The following SLC4A1 variants were observed in gnomAD, a reference collection of about 807,000 sequenced individuals.
SLC4A1 encodes the protein solute carrier family 4 member 1 (Diego blood group).
SLC4A1 carries 29 observed loss-of-function variants against 93.1 expected under a neutral mutation model. That is an observed-to-expected ratio of 0.31 (90% CI 0.23 to 0.42). The LOEUF (loss-of-function observed/expected upper bound fraction) is 0.42. SLC4A1 is among the 20% of genes least tolerant of loss of function. The pLI is 1.00. For missense variants in SLC4A1, 965 were observed against 1,190.1 expected (o/e 0.81, Z 2.78); for synonymous variants, 469 against 497.2 (o/e 0.94, Z 0.76).
chr17:44,262,818 G>A, intron 2 of SLC4A1, 34 bp downstream of exon 2: 1 of 1,611,932 alleles, frequency 6.2e-7, no homozygotes, highest in South Asian at 1.1e-5. Context: ...AGAGCCTCCA[G>A]GTGGGAGCAC....
intron 3 of SLC4A1, 138 bp from the exon 4 acceptor site, chr17:44,261,774 G>A (rs568585672): frequency 2.2e-5 from 32 of 1,484,954 alleles, no homozygotes; most frequent in African/African-American, 1.4e-4. Flanking sequence ...CTCTGGTGCC[G>A]CATCCCACAC....
In SLC4A1 at chr17:44,250,274, A is replaced by G. The variant is rs2047326569; in HGVS notation, c.*184T>C. On this transcript the variant is annotated 3_prime_UTR_variant, in exon 20 of 20. Coordinates refer to ENST00000262418, the MANE Select transcript of SLC4A1 (RefSeq NM_000342.4). ...CCCCATCGGCCATCCCCAGCCAGAA[A>G]AGCCAGGCTACCCTTTGTGGAAGGT... The G allele has an allele frequency of 3.3e-6, 2 of 599,920 alleles. No individual in the cohort carries two copies. Among genetic ancestry groups the G allele is most frequent in the East Asian group, 2.9e-5 (1 of 34,972 alleles). The allele number at this position is 599,920 out of a possible 1,614,324, so 37.2% of individuals were successfully genotyped here. A position where few individuals can be genotyped will look rare whatever the true frequency, so the allele number is the denominator to read the frequency against.
intron 13 of SLC4A1, among the ~76,000 whole-genome samples, chr17:44,257,051 G>A (rs886883256): frequency 3.3e-5 from 5 of 151,734 alleles, no homozygotes; most frequent in Non-Finnish European, 5.9e-5. Context: ...GAGTGTAGTG[G>A]CACAATCTCG....
intron 3 of SLC4A1, chr17:44,261,961 G>A: frequency 8.2e-7 from 1 of 1,220,466 alleles, no homozygotes; most frequent in Non-Finnish European, 1.0e-6. Context: ...GCAATTTTCA[G>A]GATCCTCCTA....
In SLC4A1 at chr17:44,250,370, G is replaced by T; in HGVS notation, c.*88C>A. 1 of 1,096,426 alleles carries T rather than the reference G, an allele frequency of 9.1e-7. No individual in the cohort carries two copies. Among genetic ancestry groups the T allele is most frequent in the Non-Finnish European group, 1.4e-6 (1 of 715,886 alleles). The allele number at this position is 1,096,426 out of a possible 1,614,324, so 67.9% of individuals were successfully genotyped here. On this transcript the variant is annotated 3_prime_UTR_variant, in exon 20 of 20. Coordinates refer to ENST00000262418, the MANE Select transcript of SLC4A1 (RefSeq NM_000342.4). ...GCTGCTGCTCCAGGAGGATCCTGGA[G>T]TCCATGAGGTGCCCATGAACTTCTG...
In SLC4A1 at chr17:44,255,801, A is replaced by G; in HGVS notation, c.1672T>C (p.Leu558=). Residue 558 remains leucine, a synonymous_variant, in exon 14 of 20, where the codon TTG becomes CTG. Transcript: ENST00000262418. The part of the protein sequence containing the change: ...PLQKTYNYNV[L]MVPKPQGPLP... ...GGGCCCTGAGGTTTGGGCACCATCA[A>G]CACGTTGTAGTTATAAGTCTTCTGT... The G allele has an allele frequency of 1.2e-6, 2 of 1,614,172 alleles. No individual in the cohort carries two copies. Among genetic ancestry groups the G allele is most frequent in the African/African-American group, 2.7e-5 (2 of 75,042 alleles).
intron 15 of SLC4A1, among the ~76,000 whole-genome samples, 198 bp from the exon 16 acceptor site, chr17:44,254,860 G>A (rs1222082859): frequency 6.6e-6 from 1 of 152,192 alleles, no homozygotes; most frequent in African/African-American, 2.4e-5. Flanking sequence ...CTTTAAAGAT[G>A]AGGAAAGAGA....
chr17:44,266,409 T>C (rs1340856426), intron 1 of SLC4A1, among the ~76,000 whole-genome samples: 1 of 152,208 alleles, frequency 6.6e-6, no homozygotes, highest in African/African-American at 2.4e-5. Context: ...GACTGTGGCC[T>C]TGGTTGCCTA....
chr17:44,252,146 C>G lies in SLC4A1; in HGVS notation c.2312-558G>C, dbSNP rs947177947. On this transcript the variant is annotated intron_variant, in intron 17 of 19. Coordinates refer to ENST00000262418, the MANE Select transcript of SLC4A1 (RefSeq NM_000342.4). ...TCTCAGCTCACTTCAACCTCCGCCT[C>G]CTGGGTTCAAGCAATTCTCCTGCCT... is the stretch of plus-strand genomic sequence containing the variant. Among the ~76,000 whole-genome samples, 18 of 149,848 alleles carry G rather than the reference C, an allele frequency of 1.2e-4. No individual in the cohort carries two copies. The Admixed American group carries it at 1.2e-3, about 10-fold the overall frequency.
chr17:44,255,495 G>A (rs1201984571), intron 14 of SLC4A1, among the ~76,000 whole-genome samples, 178 bp downstream of exon 14: 1 of 152,184 alleles, frequency 6.6e-6, no homozygotes, highest in Non-Finnish European at 1.5e-5. Context: ...CCATGAAAGT[G>A]GGAGGGGCTT....
Position 44,260,469 on chromosome 17 carries a change from G to A in SLC4A1, c.420C>T (p.Ile140=). 6.2e-7 allele frequency: 1 copy of A among 1,614,162 alleles called. No individual in the cohort carries two copies. The highest frequency in any genetic ancestry group is 8.5e-7 in the Non-Finnish European group (1 of 1,180,000). ...CCTGAGGCCGGATCTGGTCTTCAAA[G>A]ATAAACCTGTCTAGCAGTTGGTTGG... ...GVANQLLDRF[I]FEDQIRPQDR... The change falls in exon 6 of 20, where the codon ATC becomes ATT. Residue 140 remains isoleucine (I), a synonymous_variant. Coordinates refer to ENST00000262418, the MANE Select transcript of SLC4A1 (RefSeq NM_000342.4).
rs1567832811 is a variant in SLC4A1, at chr17:44,258,251, T to C, written c.1088-71A>G. 2 of 1,499,094 alleles carry C rather than the reference T, an allele frequency of 1.3e-6. No homozygotes were observed. Among genetic ancestry groups the C allele is most frequent in the Non-Finnish European group, 1.9e-6 (2 of 1,079,560 alleles). The allele number at this position is 1,499,094 out of a possible 1,614,324, so 92.9% of individuals were successfully genotyped here. On this transcript the variant is annotated intron_variant, in intron 10 of 19. Transcript: ENST00000262418. This position sits in a 1 kb window ranked among gnomAD's most constrained non-coding sequence, Gnocchi z 6.1. ...GGTGAGGGGAAAGGGGACTGGAGGG[T>C]GTAGGGGAGATTGTCTGATGGGAAT...
chr17:44,262,619 G>A lies in SLC4A1; in HGVS notation c.106+17C>T. 1 of 1,590,658 alleles carries A rather than the reference G, an allele frequency of 6.3e-7. No homozygotes were observed. The highest frequency in any genetic ancestry group is 2.3e-5 in the East Asian group (1 of 43,970). ...GCTCAGCAGCTCATCCCAGCTGAGGGAGGGAGAGGGGCTCACCTGCCGGCT... is the reference window on the plus strand; with the variant it reads ...GCTCAGCAGCTCATCCCAGCTGAGGAAGGGAGAGGGGCTCACCTGCCGGCT... On this transcript the variant is annotated intron_variant, in intron 3 of 19. Transcript: ENST00000262418.
chr17:44,253,261 C>T lies in SLC4A1; in HGVS notation c.2168G>A (p.Trp723Ter). Residue 723 changes from tryptophan (W) to a stop codon, truncating the protein, a stop_gained, in exon 17 of 20, where the codon TGG becomes TAG. Transcript: ENST00000262418. LOFTEE classifies it high-confidence loss of function. ...GGAACGCACGGTGGTGGCACTGAGC[C>T]AGGGCATCCCAAAGAGGGCGGCCAC... ...GGVAALFGMP[W>*]LSATTVRSVT... is the part of the protein sequence containing the mutation. The T allele has an allele frequency of 6.2e-7, 1 of 1,614,018 alleles. No individual in the cohort carries two copies. Among genetic ancestry groups the T allele is most frequent in the Non-Finnish European group, 8.5e-7 (1 of 1,180,024 alleles).
Position 44,258,320 on chromosome 17 carries a change from G to A in SLC4A1, c.1087+93C>T, listed in dbSNP as rs2047409188. 1 of 1,428,418 alleles carries A rather than the reference G, an allele frequency of 7.0e-7. No homozygotes were observed. The highest frequency in any genetic ancestry group is 9.9e-7 in the Non-Finnish European group (1 of 1,012,412). 88.5% of individuals were successfully genotyped at this position (1,428,418 alleles called of 1,614,324 possible). A position where few individuals can be genotyped will look rare whatever the true frequency, so the allele number is the denominator to read the frequency against. On this transcript the variant is annotated intron_variant, in intron 10 of 19. Coordinates refer to ENST00000262418, the MANE Select transcript of SLC4A1 (RefSeq NM_000342.4). The surrounding 1 kb of genome is among the most constrained non-coding windows in gnomAD (Gnocchi z 6.1). ...GGAAGATGTGGGCAAAGGGAGCGAT[G>A]AGAGGGGAACATGTGATGGGAGACA...
At chr17:44,259,102 G>A in intron 9 of SLC4A1, 61 bp downstream of exon 9, 1 of 1,554,584 alleles carries the variant, frequency 6.4e-7, no homozygotes, top group South Asian at 1.1e-5. Flanking sequence ...TGGAGAGCAG[G>A]CCTCAGCCAC....
chr17:44,261,149 G>T (rs564195783), intron 4 of SLC4A1, among the ~76,000 whole-genome samples: 35 of 152,336 alleles, frequency 2.3e-4, no homozygotes, highest in South Asian at 1.9e-3. Context: ...TCGTGGATGT[G>T]CTTTAGCATG....
rs372028901 is a variant in SLC4A1 at position 44,260,150 on chromosome 17, C to T, written c.486-218G>A. Among the ~76,000 whole-genome samples, 9 of 152,294 alleles carry T rather than the reference C, an allele frequency of 5.9e-5. No individual in the cohort carries two copies. In the East Asian group the frequency reaches 7.7e-4, roughly 13 times the overall value. ...TGTAAGTGGGTGGCCTCTGGAATGA[C>T]GAGGCGGGATCAAGAGTGGCTACAG... On this transcript the variant is annotated intron_variant, in intron 6 of 19. Coordinates refer to ENST00000262418, the MANE Select transcript of SLC4A1 (RefSeq NM_000342.4).
chr17:44,251,506 C>T lies in SLC4A1; in HGVS notation c.2394G>A (p.Thr798=), dbSNP rs1214093885. ...LFGIFLYMGV[T]SLSGIQLFDR... ...CAAAGAGCTGGATGCCGCTGAGCGA[C>T]GTGACCCCCATGTAGAGGAAGATGC... The change falls in exon 18 of 20, where the codon ACG becomes ACA. Residue 798 remains threonine, a synonymous_variant. Coordinates refer to ENST00000262418, the MANE Select transcript of SLC4A1 (RefSeq NM_000342.4). 3.7e-6 allele frequency: 6 copies of T among 1,614,016 alleles called. No homozygotes were observed. Among genetic ancestry groups the T allele is most frequent in the African/African-American group, 1.3e-5 (1 of 74,906 alleles).
Sources: gnomAD v4.1 joint callset for allele counts (sites outside exome capture counted in the v4.1 genomes callset) on GRCh38, gnomAD v4.1.1 for gene constraint, Gnocchi (gnomAD v3.1) non-coding constraint, MANE v1.5 for transcripts, NCBI Gene and HGNC (gene_info 2026-07-23, HGNC 2026-07-21) for gene names.